BTBD9: variants seen among roughly 807,000 people sequenced by gnomAD.
BTBD9 encodes BTB/POZ domain-containing protein 9.
A neutral mutation model predicts 64.3 loss-of-function variants in BTBD9; 49 were observed. The observed-to-expected ratio is 0.76, with a 90% CI of 0.61 to 0.97. BTBD9 has a LOEUF of 0.97. Among genes scored for constraint, BTBD9 ranks in the 50% least tolerant of loss-of-function variants. BTBD9 has a pLI of 0.00. For synonymous variants in BTBD9, 260 were observed against 274.7 expected (o/e 0.95, Z 0.53); for missense variants, 598 against 762.1 (o/e 0.78, Z 2.53).
chr6:38,276,405 G>C (rs1027727819), intron 8 of BTBD9, among the ~76,000 whole-genome samples: 1 of 151,736 alleles, frequency 6.6e-6, no homozygotes, highest in Non-Finnish European at 1.5e-5. Flanking sequence ...GCTAAATGAC[G>C]AGTTAATGGG....
chr6:38,481,468 T>C (rs1771139372), intron 6 of BTBD9, among the ~76,000 whole-genome samples: 2 of 152,162 alleles, frequency 1.3e-5, no homozygotes, highest in African/African-American at 4.8e-5. Context: ...CCAAGGGAGA[T>C]AGGAAGGCAG....
chr6:38,311,429 A>G (rs1329083803), intron 7 of BTBD9, among the ~76,000 whole-genome samples: 1 of 152,214 alleles, frequency 6.6e-6, no homozygotes, highest in African/African-American at 2.4e-5. Context: ...TTATGGCTGA[A>G]TAAGTGCTCC....
chr6:38,370,006 G>A (rs1003845798), intron 6 of BTBD9, among the ~76,000 whole-genome samples: 10 of 152,322 alleles, frequency 6.6e-5, no homozygotes, highest in Middle Eastern at 6.8e-3. Flanking sequence ...GCTCGTGAGC[G>A]CTTTCCAGTC....
chr6:38,416,923 GGTTTT>G (rs550336296), intron 6 of BTBD9, among the ~76,000 whole-genome samples: 4 of 152,166 alleles, frequency 2.6e-5, no homozygotes, highest in African/African-American at 7.2e-5. Flanking sequence ...AGGACCTCGT[GGTTTT>G]GTTTTGTTTT....
intron 8 of BTBD9, among the ~76,000 whole-genome samples, chr6:38,283,063 G>T (rs974714165): frequency 6.6e-6 from 1 of 152,204 alleles, no homozygotes; most frequent in Admixed American, 6.5e-5. Context: ...CAACGAAAAT[G>T]CGGGTATAGA....
chr6:38,621,019 T>C (rs1037845520), intron 1 of BTBD9, among the ~76,000 whole-genome samples: 2 of 152,166 alleles, frequency 1.3e-5, no homozygotes, highest in Non-Finnish European at 2.9e-5. Flanking sequence ...TTGGAATCCT[T>C]ACTCAGACTC....
At chr6:38,271,233 T>C (rs1765186943) in intron 8 of BTBD9, among the ~76,000 whole-genome samples, 3 of 152,156 alleles carry the variant, frequency 2.0e-5, no homozygotes, top group African/African-American at 7.2e-5. Flanking sequence ...AGTTGGGGAA[T>C]GAAGCCTCAT....
chr6:38,612,006 T>A (rs1777631747), intron 1 of BTBD9, among the ~76,000 whole-genome samples: 1 of 152,222 alleles, frequency 6.6e-6, no homozygotes. Flanking sequence ...TAAACAAACC[T>A]TAACAACGCT....
At chr6:38,304,378 T>C (rs1363415160) in intron 7 of BTBD9, among the ~76,000 whole-genome samples, 2 of 151,954 alleles carry the variant, frequency 1.3e-5, no homozygotes, top group Admixed American at 1.3e-4. Flanking sequence ...AAACCCCGTT[T>C]CTACTAAAAA....
At chr6:38,463,210 G>T (rs185963351) in intron 6 of BTBD9, among the ~76,000 whole-genome samples, 1 of 152,196 alleles carries the variant, frequency 6.6e-6, no homozygotes, top group Non-Finnish European at 1.5e-5. Context: ...AAATACAATT[G>T]ATTTTTGTAC....
chr6:38,481,371 G>T (rs1007594483), intron 6 of BTBD9, among the ~76,000 whole-genome samples: 5 of 152,208 alleles, frequency 3.3e-5, no homozygotes, highest in Non-Finnish European at 4.4e-5. Context: ...TGTATTCCCA[G>T]TTGATACTTG....
intron 8 of BTBD9, among the ~76,000 whole-genome samples, chr6:38,259,213 T>C (rs1156458210): frequency 6.6e-6 from 1 of 152,248 alleles, no homozygotes; most frequent in Non-Finnish European, 1.5e-5. Context: ...TCAGTTTACA[T>C]ATCTGGTTCA....
At chr6:38,395,398 G>A (rs1018528709) in intron 6 of BTBD9, among the ~76,000 whole-genome samples, 4 of 152,144 alleles carry the variant, frequency 2.6e-5, no homozygotes, top group African/African-American at 9.6e-5. Context: ...GATCATACCA[G>A]CTTGTCTCAA....
intron 6 of BTBD9, among the ~76,000 whole-genome samples, chr6:38,349,058 C>T (rs1194732994): frequency 6.6e-6 from 1 of 152,122 alleles, no homozygotes; most frequent in Non-Finnish European, 1.5e-5. Flanking sequence ...CAGGCATGCA[C>T]CACCATGCCT....
chr6:38,281,885 C>A (rs1306045489), intron 8 of BTBD9, among the ~76,000 whole-genome samples: 5 of 152,110 alleles, frequency 3.3e-5, no homozygotes, highest in Non-Finnish European at 7.4e-5. Flanking sequence ...AAACATCGTT[C>A]AAACCAATGT....
At chr6:38,369,596 C>T (rs1765335368) in intron 6 of BTBD9, among the ~76,000 whole-genome samples, 1 of 152,216 alleles carries the variant, frequency 6.6e-6, no homozygotes, top group African/African-American at 2.4e-5. Flanking sequence ...CAAAACTTCT[C>T]TGAAAAGTAA....
rs771737210 is a variant in BTBD9 at position 38,222,254 on chromosome 6, G to GTTTTTTTTT, written c.1563-29658_1563-29657insAAAAAAAAA. On this transcript the variant is annotated intron_variant, in intron 9 of 10. Transcript: ENST00000481247. ...TAAATTAGCCTTAATAATTCATTCA[G>GTTTTTTTTT]TTGTTTTTTTTTTTTTTTTTTTTTT... 1.7e-4 allele frequency among the ~76,000 whole-genome samples: 16 copies of GTTTTTTTTT among 96,744 alleles called. 2 individuals are homozygous for GTTTTTTTTT. The highest frequency in any genetic ancestry group is 1.7e-4 in the Non-Finnish European group (9 of 52,552). The allele number at this position is 96,744 out of a possible 152,430, so 63.5% of individuals were successfully genotyped here. A position where few individuals can be genotyped will look rare whatever the true frequency, so the allele number is the denominator to read the frequency against.
At position 38,444,712 on chromosome 6, in the gene BTBD9, G is replaced by C. The variant is rs71571322; in HGVS notation, c.1155-99619C>G. Among the ~76,000 whole-genome samples, 550 of 152,220 alleles carry C rather than the reference G, an allele frequency of 3.6e-3. 6 individuals carry two copies. Among genetic ancestry groups the C allele is most frequent in the Middle Eastern group, 0.01 (3 of 294 alleles). ...GGCTGCTATGAGGATTATACAGACT[G>C]TTATGTTGGTGTTGGCTACTATTAT... On this transcript the variant is annotated intron_variant, in intron 6 of 10. Transcript: ENST00000481247.
chr6:38,509,171 G>GT, intron 6 of BTBD9, among the ~76,000 whole-genome samples: 1 of 152,324 alleles, frequency 6.6e-6, no homozygotes, highest in African/African-American at 2.4e-5. Flanking sequence ...ACACATGGAG[G>GT]TTACTCAATA....
Sources: allele counts gnomAD v4.1 joint callset (sites outside exome capture counted in the v4.1 genomes callset), GRCh38; gene constraint gnomAD v4.1.1; transcripts MANE v1.5; gene names NCBI Gene and HGNC (gene_info 2026-07-23, HGNC 2026-07-21).